Variants in ABLIM2 observed in about 807,000 individuals in gnomAD.
ABLIM2 encodes the protein actin-binding LIM protein 2.
In ABLIM2, 53 loss-of-function variants were observed where a neutral mutation model predicts 97.7. The observed-to-expected ratio is 0.54, with a 90% CI of 0.44 to 0.68. ABLIM2 has a LOEUF of 0.68. Ranked by LOEUF, ABLIM2 falls within the 30% of genes least tolerant of loss-of-function variation. The pLI, the probability that ABLIM2 is intolerant of heterozygous loss-of-function variation, is 0.00. For synonymous variants in ABLIM2, 361 were observed against 345.8 expected (o/e 1.04, Z -0.49); for missense variants, 835 against 867.2 (o/e 0.96, Z 0.47).
rs56236019 is a variant in ABLIM2, at chr4:7,969,730, G to GACACACACACACACACACACACACACAC, written c.1825-2655_1825-2628dup. Among the ~76,000 whole-genome samples the GACACACACACACACACACACACACACAC allele has an allele frequency of 2.6e-3, 363 of 139,672 alleles. 14 individuals are homozygous for GACACACACACACACACACACACACACAC. The highest frequency in any genetic ancestry group is 0.023 in the East Asian group (96 of 4,226). The allele number at this position is 139,672 out of a possible 152,430, so 91.6% of individuals were successfully genotyped here. A position where few individuals can be genotyped will look rare whatever the true frequency, so the allele number is the denominator to read the frequency against. On this transcript the variant is annotated intron_variant, in intron 20 of 20. Transcript: ENST00000447017. ...TCAGTCTCTCTTTCTCTCTCTCTCT[G>GACACACACACACACACACACACACACAC]ACACACACACACACACACACACACA... is the stretch of plus-strand genomic sequence containing the variant.
intron 2 of ABLIM2, among the ~76,000 whole-genome samples, chr4:8,099,262 G>T (rs1214326900): frequency 6.6e-6 from 1 of 152,252 alleles, no homozygotes; most frequent in Non-Finnish European, 1.5e-5. Context: ...ATAGTATTCT[G>T]ATGTCAGCGC....
intron 6 of ABLIM2, among the ~76,000 whole-genome samples, chr4:8,070,855 C>T (rs1487148706): frequency 6.6e-6 from 1 of 152,082 alleles, no homozygotes; most frequent in African/African-American, 2.4e-5. Flanking sequence ...ACCAGGGGGA[C>T]GCTGGGCTTC....
intron 16 of ABLIM2, among the ~76,000 whole-genome samples, chr4:8,000,833 G>A (rs1174625984): frequency 2.0e-5 from 3 of 152,174 alleles, no homozygotes; most frequent in African/African-American, 7.2e-5. Flanking sequence ...AAAGCACACA[G>A]GTGACAGATC....
At chr4:8,012,992 G>A (rs771403154) in intron 14 of ABLIM2, among the ~76,000 whole-genome samples, 1 of 152,168 alleles carries the variant, frequency 6.6e-6, no homozygotes, top group Non-Finnish European at 1.5e-5. Context: ...TCTTAAGAAT[G>A]GGGGATGCAG....
At chr4:8,090,275 G>A (rs1826457270) in intron 3 of ABLIM2, among the ~76,000 whole-genome samples, 1 of 152,192 alleles carries the variant, frequency 6.6e-6, no homozygotes, top group Non-Finnish European at 1.5e-5. Context: ...CCCCATCCCT[G>A]GATGTGCTTG....
intron 3 of ABLIM2, among the ~76,000 whole-genome samples, chr4:8,096,873 A>G (rs1287529175): frequency 6.6e-6 from 1 of 152,128 alleles, no homozygotes; most frequent in Non-Finnish European, 1.5e-5. Context: ...CATGCACCAG[A>G]CCCAAAGCGG....
At chr4:8,089,045 A>G (rs1420468196) in intron 3 of ABLIM2, among the ~76,000 whole-genome samples, 2 of 152,112 alleles carry the variant, frequency 1.3e-5, no homozygotes, top group Non-Finnish European at 2.9e-5. Context: ...GATTTTTTGC[A>G]TTTATTTCAA....
intron 20 of ABLIM2, among the ~76,000 whole-genome samples, chr4:7,977,698 G>C (rs1427452267): frequency 6.6e-6 from 1 of 152,080 alleles, no homozygotes. Context: ...GGCTGGGGCA[G>C]GAGAATCGCT....
rs1823271338 is a variant in ABLIM2 at position 8,085,929 on chromosome 4, C to T, written c.454+2240G>A. On this transcript the variant is annotated intron_variant, in intron 4 of 20. Transcript: ENST00000447017. The surrounding 1 kb of genome is among the most constrained non-coding windows in gnomAD (Gnocchi z 6.1). The stretch of plus-strand genomic sequence containing the variant: ...GCCTTGGCCCACCCCTCGGCACTTC[C>T]GCCCCCTGATGGACAGAGCACCCAG... Among the ~76,000 whole-genome samples, 1 of 41,030 alleles carries T rather than the reference C, an allele frequency of 2.4e-5. No homozygotes were observed. Among genetic ancestry groups the T allele is most frequent in the African/African-American group, 1.1e-4 (1 of 8,840 alleles). 26.9% of individuals were successfully genotyped at this position (41,030 alleles called of 152,430 possible). A position where few individuals can be genotyped will look rare whatever the true frequency, so the allele number is the denominator to read the frequency against.
At chr4:7,968,673 GGGGGAGAGAGGAAT>G (rs1397863383) in intron 20 of ABLIM2, among the ~76,000 whole-genome samples, 2 of 152,188 alleles carry the variant, frequency 1.3e-5, no homozygotes, top group African/African-American at 4.8e-5. Flanking sequence ...GCCAGGGACT[GGGGGAGAGAGGAAT>G]GGGGAGGGAC....
chr4:8,079,325 G>A (rs1029491068), intron 5 of ABLIM2, among the ~76,000 whole-genome samples: 5 of 152,220 alleles, frequency 3.3e-5, no homozygotes, highest in African/African-American at 7.2e-5. Flanking sequence ...GTCAATTCTG[G>A]GACAGCTCTG....
rs946594340 is a variant in ABLIM2, at chr4:8,077,865, C to T, written c.582-144G>A. The T allele has an allele frequency of 7.5e-6, 5 of 670,668 alleles. No homozygotes were observed. In the South Asian group the frequency reaches 7.6e-5, roughly 10 times the overall value. 41.5% of individuals were successfully genotyped at this position (670,668 alleles called of 1,614,324 possible). The stretch of plus-strand genomic sequence containing the variant: ...CTCAGGTAACAATGCTTCCAACAGG[C>T]AGTGTCATTGGGCTCTCACAGACAC... On this transcript the variant is annotated intron_variant, in intron 5 of 20. Coordinates refer to ENST00000447017, the MANE Select transcript of ABLIM2 (RefSeq NM_001130083.2).
At chr4:8,097,360 C>A (rs1832188382) in intron 2 of ABLIM2, 78 bp from the exon 3 acceptor site, 1 of 1,491,836 alleles carries the variant, frequency 6.7e-7, no homozygotes, top group African/African-American at 1.4e-5. Flanking sequence ...GTGCACCCCC[C>A]TCCACACACA....
At chr4:8,008,936 C>T in intron 15 of ABLIM2, 114 bp downstream of exon 15, 1 of 1,305,142 alleles carries the variant, frequency 7.7e-7, no homozygotes, top group South Asian at 1.2e-5. Flanking sequence ...TCGCAGGGCC[C>T]CTAAGGAACA....
rs1302538987 is a variant in ABLIM2, at chr4:8,091,359, A to AT, written c.339-3076dup. 8.1e-5 allele frequency among the ~76,000 whole-genome samples: 4 copies of AT among 49,166 alleles called. No homozygotes were observed. The East Asian group carries it at 2.3e-3, about 28-fold the overall frequency. 32.3% of individuals were successfully genotyped at this position (49,166 alleles called of 152,430 possible). A position where few individuals can be genotyped will look rare whatever the true frequency, so the allele number is the denominator to read the frequency against. ...ATATATAATATATATATAATTATAT[A>AT]TATATTATATTACATATAATTATAT... is the stretch of plus-strand genomic sequence containing the variant. On this transcript the variant is annotated intron_variant, in intron 3 of 20. Transcript: ENST00000447017.
intron 16 of ABLIM2, among the ~76,000 whole-genome samples, chr4:8,000,283 G>A (rs547748056): frequency 2.0e-5 from 3 of 152,186 alleles, no homozygotes; most frequent in South Asian, 2.1e-4. Flanking sequence ...TTGTAGACTC[G>A]AGATGCTGAG....
intron 8 of ABLIM2, among the ~76,000 whole-genome samples, chr4:8,051,795 G>A (rs924648202): frequency 5.9e-5 from 9 of 152,128 alleles, no homozygotes; most frequent in Non-Finnish European, 1.0e-4. Context: ...ATATCCACAT[G>A]TATGTGGAAC....
Position 8,095,045 on chromosome 4 carries a change from C to T in ABLIM2, c.338+2054G>A, listed in dbSNP as rs866282894. On this transcript the variant is annotated intron_variant, in intron 3 of 20. Transcript: ENST00000447017. This position sits in a 1 kb window ranked among gnomAD's most constrained non-coding sequence, Gnocchi z 4.7. ...CTCCCCCCACTTCTTTCCTTCCTTCCTTCTTTCTTTCTTTCTCTTTCTTTC... is the reference window on the plus strand; with the variant it reads ...CTCCCCCCACTTCTTTCCTTCCTTCTTTCTTTCTTTCTTTCTCTTTCTTTC... Among the ~76,000 whole-genome samples the T allele has an allele frequency of 3.5e-5, 5 of 141,122 alleles. No individual in the cohort carries two copies. Among genetic ancestry groups the T allele is most frequent in the African/African-American group, 8.0e-5 (3 of 37,406 alleles). The allele number at this position is 141,122 out of a possible 152,430, so 92.6% of individuals were successfully genotyped here.
In ABLIM2 at chr4:8,128,201, T is replaced by A. The variant is rs911712076; in HGVS notation, c.11-21564A>T. ...CGTCTTCCCTGTGTGTCTCTGCGTGTCCTTTTTAGTCTCTTATGAGGACAC... is the reference window on the plus strand; with the variant it reads ...CGTCTTCCCTGTGTGTCTCTGCGTGACCTTTTTAGTCTCTTATGAGGACAC... On this transcript the variant is annotated intron_variant, in intron 1 of 20. Transcript: ENST00000447017. This position sits in a 1 kb window ranked among gnomAD's most constrained non-coding sequence, Gnocchi z 4.9. 6.6e-6 allele frequency among the ~76,000 whole-genome samples: 1 copy of A among 152,176 alleles called. No homozygotes were observed. The highest frequency in any genetic ancestry group is 2.4e-5 in the African/African-American group (1 of 41,444).
Sources: gnomAD v4.1 joint callset for allele counts (sites outside exome capture counted in the v4.1 genomes callset) on GRCh38, gnomAD v4.1.1 for gene constraint, Gnocchi (gnomAD v3.1) non-coding constraint, MANE v1.5 for transcripts, NCBI Gene and HGNC (gene_info 2026-07-23, HGNC 2026-07-21) for gene names.